PAPPA2: variants seen among roughly 807,000 people sequenced by gnomAD.
The protein encoded by PAPPA2 is pappalysin 2, also known as pappalysin-2.
In PAPPA2, 86 loss-of-function variants were observed where a neutral mutation model predicts 176.4. The observed-to-expected ratio is 0.49, with a 90% CI of 0.41 to 0.58. The LOEUF (loss-of-function observed/expected upper bound fraction) is 0.58. PAPPA2 is among the 20% of genes least tolerant of loss of function. PAPPA2 has a pLI of 0.00. For synonymous variants in PAPPA2, 809 were observed against 852.2 expected, an observed-to-expected ratio of 0.95 and a Z score of 0.88; for missense variants, 2,073 against 2,256.9, an observed-to-expected ratio of 0.92 and a Z score of 1.65.
chr1:176,726,158 G>A (rs1661861365), intron 12 of PAPPA2, among the ~76,000 whole-genome samples: 1 of 152,126 alleles, frequency 6.6e-6, no homozygotes, highest in Admixed American at 6.5e-5. Context: ...TACTCATTAT[G>A]TCTCCCCAAG....
chr1:176,603,685 A>T (rs1215562436), intron 3 of PAPPA2, among the ~76,000 whole-genome samples: 1 of 152,132 alleles, frequency 6.6e-6, no homozygotes, highest in African/African-American at 2.4e-5. Flanking sequence ...TTGCCCTCAA[A>T]TACAAATTAG....
intron 4 of PAPPA2, among the ~76,000 whole-genome samples, chr1:176,672,897 T>C (rs906499948): frequency 4.6e-5 from 7 of 152,202 alleles, no homozygotes. Context: ...ATGTTAGTGG[T>C]GGCCTGAGGC....
chr1:176,701,051 T>TACACACACACACAC (rs374838543), intron 8 of PAPPA2, among the ~76,000 whole-genome samples: 1 of 148,386 alleles, frequency 6.7e-6, no homozygotes, highest in Non-Finnish European at 1.5e-5. Flanking sequence ...CACACACACA[T>TACACACACACACAC]ACACACACAC....
intron 14 of PAPPA2, among the ~76,000 whole-genome samples, chr1:176,753,653 T>G (rs1263228282): frequency 1.3e-5 from 2 of 151,744 alleles, no homozygotes; most frequent in African/African-American, 4.8e-5. Context: ...AGGTTTCCTT[T>G]TAATGTTCCT....
chr1:176,467,493 C>T (rs1651679361), intron 1 of PAPPA2, among the ~76,000 whole-genome samples: 1 of 152,194 alleles, frequency 6.6e-6, no homozygotes, highest in Admixed American at 6.6e-5. Context: ...GCTGCTTTCA[C>T]ATTAGGAAGA....
chr1:176,659,878 A>G (rs1658260924), intron 3 of PAPPA2, among the ~76,000 whole-genome samples: 2 of 152,238 alleles, frequency 1.3e-5, no homozygotes, highest in South Asian at 4.1e-4. Flanking sequence ...GGCTCTCTAT[A>G]TACTGAGGCA....
At chr1:176,502,608 T>C (rs893958771) in intron 1 of PAPPA2, among the ~76,000 whole-genome samples, 1 of 152,182 alleles carries the variant, frequency 6.6e-6, no homozygotes, top group Non-Finnish European at 1.5e-5. Flanking sequence ...TCACTAGGTA[T>C]GTTTCAGATG....
intron 12 of PAPPA2, among the ~76,000 whole-genome samples, chr1:176,723,332 A>G (rs1661712183): frequency 6.6e-6 from 1 of 152,230 alleles, no homozygotes; most frequent in Non-Finnish European, 1.5e-5. Context: ...AAACTCATCC[A>G]GGAGTAATAG....
intron 3 of PAPPA2, among the ~76,000 whole-genome samples, chr1:176,625,220 C>T (rs1339105983): frequency 6.6e-6 from 1 of 152,106 alleles, no homozygotes; most frequent in East Asian, 1.9e-4. Context: ...TGAAAAAGCT[C>T]CTGTTCAGAT....
intron 1 of PAPPA2, among the ~76,000 whole-genome samples, chr1:176,529,805 C>T (rs76301503): frequency 6.6e-6 from 1 of 151,970 alleles, no homozygotes; most frequent in African/African-American, 2.4e-5. Flanking sequence ...GGCCACTTGC[C>T]TTTTTTATCA....
chr1:176,739,733 C>G lies in PAPPA2; in HGVS notation c.3906C>G (p.Thr1302=). 1 of 1,613,598 alleles carries G rather than the reference C, an allele frequency of 6.2e-7. No homozygotes were observed. Among genetic ancestry groups the G allele is most frequent in the Non-Finnish European group, 8.5e-7 (1 of 1,179,806 alleles). ...HQQPTVTLYL[T]DVRGSNHSLG... is the part of the protein sequence containing the mutation. ...AGCCGACAGTGACTCTCTACCTGAC[C>G]GATGTCCGTGGAAGCAACCACTCTC... The change falls in exon 13 of 23, where the codon ACC becomes ACG. Residue 1302 remains threonine (T), a synonymous_variant. Coordinates refer to ENST00000367662, the MANE Select transcript of PAPPA2 (RefSeq NM_020318.3).
At chr1:176,704,416 T>C (rs1660788375) in intron 9 of PAPPA2, among the ~76,000 whole-genome samples, 1 of 152,136 alleles carries the variant, frequency 6.6e-6, no homozygotes, top group African/African-American at 2.4e-5. Context: ...ATAACACTTG[T>C]CAATAGGACT....
intron 3 of PAPPA2, among the ~76,000 whole-genome samples, chr1:176,603,142 C>G (rs966662595): frequency 6.6e-6 from 1 of 152,230 alleles, no homozygotes; most frequent in African/African-American, 2.4e-5. Flanking sequence ...AGACCCCAGT[C>G]TCCAAATACA....
intron 1 of PAPPA2, among the ~76,000 whole-genome samples, chr1:176,480,485 T>C (rs1431552795): frequency 6.6e-6 from 1 of 151,902 alleles, no homozygotes; most frequent in Admixed American, 6.6e-5. Context: ...GAAAGGAGAA[T>C]GTAGAATTCC....
Position 176,556,024 on chromosome 1 carries a change from C to A in PAPPA2, c.-299C>A. On this transcript the variant is annotated 5_prime_UTR_variant, in exon 2 of 23. Coordinates refer to ENST00000367662, the MANE Select transcript of PAPPA2 (RefSeq NM_020318.3). ...TTTCTGGGAGGAAATTCAAAGGAAC[C>A]AAGAGAAATTAACTTCGTTCTGCAA... The A allele has an allele frequency of 2.6e-5, 8 of 313,458 alleles. No individual in the cohort carries two copies. Among genetic ancestry groups the A allele is most frequent in the East Asian group, 5.6e-5 (1 of 17,966 alleles). The allele number at this position is 313,458 out of a possible 1,614,324, so 19.4% of individuals were successfully genotyped here.
At chr1:176,684,764 A>T (rs1348758577) in intron 4 of PAPPA2, among the ~76,000 whole-genome samples, 1 of 152,210 alleles carries the variant, frequency 6.6e-6, no homozygotes, top group Non-Finnish European at 1.5e-5. Context: ...TCTATGAAGA[A>T]TTATGCCAAC....
Position 176,692,117 on chromosome 1 carries a change from T to TCTCCACAG in PAPPA2, c.2432-8_2432-1dup. On this transcript the variant is annotated splice_polypyrimidine_tract_variant and intron_variant, in intron 5 of 22. Transcript: ENST00000367662. Reference sequence around the variant, plus strand: ...TCCATCTCTTGTGCCACCTTTTTTGTCTCCACAGATGATAACTGCACTGAC... The same window carrying TCTCCACAG: ...TCCATCTCTTGTGCCACCTTTTTTGTCTCCACAGCTCCACAGATGATAACTGCACTGAC... 1 of 1,599,204 alleles carries TCTCCACAG rather than the reference T, an allele frequency of 6.3e-7. No homozygotes were observed. Among genetic ancestry groups the TCTCCACAG allele is most frequent in the Non-Finnish European group, 8.6e-7 (1 of 1,169,060 alleles).
chr1:176,594,629 T>A lies in PAPPA2; in HGVS notation c.1025T>A (p.Leu342His). The A allele has an allele frequency of 1.2e-6, 2 of 1,614,198 alleles. No individual in the cohort carries two copies. Among genetic ancestry groups the A allele is most frequent in the South Asian group, 1.1e-5 (1 of 91,086 alleles). ...GKRDARFFFS[L>H]CTDRVKKATI... ...CGGGATGCTCGCTTCTTCTTCTCCC[T>A]CTGCACCGACCGCGTGAAGAAAGCC... Residue 342 changes from leucine to histidine, a missense_variant, in exon 3 of 23, where the codon CTC becomes CAC. Coordinates refer to ENST00000367662, the MANE Select transcript of PAPPA2 (RefSeq NM_020318.3).
chr1:176,540,027 A>G (rs1377890271), intron 1 of PAPPA2, among the ~76,000 whole-genome samples: 3 of 152,100 alleles, frequency 2.0e-5, no homozygotes, highest in Non-Finnish European at 4.4e-5. Flanking sequence ...GAAGGACTCC[A>G]CCTTCTTTAT....
Sources: allele counts gnomAD v4.1 joint callset (sites outside exome capture counted in the v4.1 genomes callset), GRCh38; gene constraint gnomAD v4.1.1; transcripts MANE v1.5; gene names NCBI Gene and HGNC (gene_info 2026-07-23, HGNC 2026-07-21).